TMED3: variants seen among roughly 807,000 people sequenced by gnomAD.
TMED3 encodes the protein transmembrane emp24 domain-containing protein 3.
In TMED3, 9 loss-of-function variants were observed where a neutral mutation model predicts 15.0. That is an observed-to-expected ratio of 0.60 (90% CI 0.36 to 1.04). The LOEUF (loss-of-function observed/expected upper bound fraction) is 1.04, where lower values mean the gene tolerates loss of function less well. TMED3 is among the 50% of genes least tolerant of loss of function. The pLI is 0.01. For missense variants in TMED3, 267 were observed against 278.9 expected (o/e 0.96, Z 0.30); for synonymous variants, 117 against 121.4 (o/e 0.96, Z 0.24).
At chr15:79,319,813 A>G (rs1465837463) in intron 2 of TMED3, among the ~76,000 whole-genome samples, 1 of 152,216 alleles carries the variant, frequency 6.6e-6, no homozygotes, top group East Asian at 1.9e-4. Flanking sequence ...GAGAAGAGAG[A>G]GAGACAGCTT....
intron 2 of TMED3, among the ~76,000 whole-genome samples, chr15:79,341,916 C>G (rs1463066956): frequency 1.3e-5 from 2 of 152,202 alleles, no homozygotes. Flanking sequence ...AGGCACAGGA[C>G]AGCCCTCCAC....
At chr15:79,411,120 G>A (rs544769178) in intron 2 of TMED3, among the ~76,000 whole-genome samples, 1 of 152,266 alleles carries the variant, frequency 6.6e-6, no homozygotes, top group Non-Finnish European at 1.5e-5. Context: ...GAGATATTAG[G>A]TAACTCACCC....
rs758987976 is a variant in TMED3, at chr15:79,322,102, A to G, written c.542A>G (p.Tyr181Cys). Residue 181 changes from tyrosine (Y) to cysteine (C), a missense_variant, in exon 3 of 3, where the codon TAC becomes TGC. By Grantham distance (194) the Tyr-to-Cys change is radical (BLOSUM62 -2). This residue lies in a region of TMED3 where 139 missense variants were observed against 125.0 expected (regional missense o/e 1.11). Transcript: ENST00000299705. ...RAEDLNSRVS[Y>C]WSVGETIALF... ...GAAGACCTTAATAGCCGAGTCTCTT[A>G]CTGGTCTGTTGGCGAGACGATTGCC... 1.9e-6 allele frequency: 3 copies of G among 1,614,220 alleles called. No individual in the cohort carries two copies. The South Asian group carries it at 3.3e-5, about 18-fold the overall frequency.
chr15:79,338,881 A>G (rs2058838124), intron 2 of TMED3, among the ~76,000 whole-genome samples: 2 of 152,008 alleles, frequency 1.3e-5, no homozygotes, highest in South Asian at 4.2e-4. Flanking sequence ...TCAAGGAAAA[A>G]CACCCACTAC....
At chr15:79,394,983 T>C (rs191151091) in intron 2 of TMED3, among the ~76,000 whole-genome samples, 367 of 152,348 alleles carry the variant, frequency 2.4e-3, no homozygotes, top group Middle Eastern at 0.01. Context: ...TATAAAGCAC[T>C]GTGTTATAGG....
intron 2 of TMED3, among the ~76,000 whole-genome samples, chr15:79,373,544 AAGAC>A (rs1893377901): frequency 1.9e-5 from 2 of 107,552 alleles, no homozygotes; most frequent in African/African-American, 9.1e-5. Context: ...AGACAGCCTC[AAGAC>A]AGACAGCCTC....
At chr15:79,348,792 T>C (rs1291671981) in intron 2 of TMED3, among the ~76,000 whole-genome samples, 1 of 152,058 alleles carries the variant, frequency 6.6e-6, no homozygotes, top group Admixed American at 6.6e-5. Context: ...GGTGTAAGGG[T>C]TCCTTTTTCT....
chr15:79,313,675 A>G, intron 1 of TMED3, 82 bp from the exon 2 acceptor site: 2 of 1,498,804 alleles, frequency 1.3e-6, no homozygotes, highest in Non-Finnish European at 1.8e-6. Context: ...AAATGTTTGT[A>G]GAGTCTGATC....
rs537371087 is a variant in TMED3 at position 79,371,779 on chromosome 15, T to A, written c.418-39621T>A. Among the ~76,000 whole-genome samples, 16 of 152,318 alleles carry A rather than the reference T, an allele frequency of 1.1e-4. No homozygotes were observed. In the South Asian group the frequency reaches 3.3e-3, roughly 32 times the overall value. On this transcript the variant is annotated intron_variant, in intron 2 of 2. Coordinates refer to the TMED3 transcript ENST00000424155. ...TAGGTTTTACAATAGTGATGTTATC[T>A]ATAGGAGTAGTTGGGGAAGTTATAA...
At chr15:79,336,926 C>T (rs564889333) in intron 2 of TMED3, among the ~76,000 whole-genome samples, 1 of 152,188 alleles carries the variant, frequency 6.6e-6, no homozygotes, top group African/African-American at 2.4e-5. Flanking sequence ...ATAATAATAA[C>T]AGACAACAAA....
At chr15:79,397,101 C>T (rs1310087995) in intron 2 of TMED3, among the ~76,000 whole-genome samples, 1 of 152,178 alleles carries the variant, frequency 6.6e-6, no homozygotes, top group East Asian at 1.9e-4. Context: ...AACCATGACA[C>T]TGTTTCTCAT....
chr15:79,358,243 A>G (rs1451165310), intron 2 of TMED3, among the ~76,000 whole-genome samples: 1 of 152,206 alleles, frequency 6.6e-6, no homozygotes, highest in African/African-American at 2.4e-5. Context: ...CTGTCTCACA[A>G]CCCTGTGAAC....
intron 2 of TMED3, among the ~76,000 whole-genome samples, chr15:79,396,911 CA>C (rs1320571112): frequency 2.0e-5 from 3 of 152,132 alleles, no homozygotes; most frequent in Non-Finnish European, 4.4e-5. Context: ...ACATTAATTT[CA>C]CCTGTTTCTT....
intron 2 of TMED3, among the ~76,000 whole-genome samples, chr15:79,349,518 A>T (rs1376330118): frequency 6.6e-6 from 1 of 152,176 alleles, no homozygotes; most frequent in Non-Finnish European, 1.5e-5. Context: ...TGCAGTAAAA[A>T]AACAAATAAA....
intron 2 of TMED3, among the ~76,000 whole-genome samples, chr15:79,358,823 A>C (rs916430031): frequency 2.6e-5 from 4 of 152,196 alleles, no homozygotes; most frequent in African/African-American, 9.6e-5. Flanking sequence ...TCCTTGAAGG[A>C]AAAGTTTGCT....
intron 2 of TMED3, among the ~76,000 whole-genome samples, chr15:79,358,171 T>G (rs1532958): frequency 0.73 from 110,479 of 152,080 alleles, 40,716 homozygotes; most frequent in Middle Eastern, 0.82. Flanking sequence ...AGGCACTGGA[T>G]AGCGCAGTGA....
intron 2 of TMED3, among the ~76,000 whole-genome samples, chr15:79,332,805 A>G (rs951674471): frequency 7.9e-5 from 12 of 152,234 alleles, no homozygotes; most frequent in African/African-American, 2.9e-4. Flanking sequence ...TCTAGTGTTT[A>G]TGATGTATTC....
intron 2 of TMED3, among the ~76,000 whole-genome samples, chr15:79,404,646 A>T (rs764453289): frequency 1.3e-5 from 2 of 152,002 alleles, no homozygotes; most frequent in African/African-American, 4.8e-5. Flanking sequence ...TGATCTCCCA[A>T]TCTTACTCCT....
chr15:79,318,429 A>G (rs899421332), intron 2 of TMED3, among the ~76,000 whole-genome samples: 1 of 152,188 alleles, frequency 6.6e-6, no homozygotes, highest in Non-Finnish European at 1.5e-5. Context: ...GAGCTATTCA[A>G]ACTCAGCCAT....
Sources: allele counts gnomAD v4.1 joint callset (sites outside exome capture counted in the v4.1 genomes callset), GRCh38; gene constraint gnomAD v4.1.1; regional missense constraint gnomAD v4.1.1; transcripts MANE v1.5; gene names NCBI Gene and HGNC (gene_info 2026-07-23, HGNC 2026-07-21).